Variants in DSTN observed in about 807,000 individuals in gnomAD.
DSTN encodes the protein destrin, actin depolymerizing factor, also known as destrin.
DSTN carries 10 observed loss-of-function variants against 16.8 expected under a neutral mutation model. That is an observed-to-expected ratio of 0.60 (90% CI 0.37 to 1.01). The LOEUF is 1.01. DSTN is among the 50% of genes least tolerant of loss of function. DSTN has a pLI of 0.01. For missense variants in DSTN, 141 were observed against 196.7 expected, an observed-to-expected ratio of 0.72 and a Z score of 1.69; for synonymous variants, 57 against 58.9, an observed-to-expected ratio of 0.97 and a Z score of 0.14.
chr20:17,587,218 A>AC (rs1491095726), intron 1 of DSTN, among the ~76,000 whole-genome samples: 2 of 152,016 alleles, frequency 1.3e-5, no homozygotes, highest in African/African-American at 4.8e-5. Flanking sequence ...AAAAAAAAAA[A>AC]AATTCTTGTT....
intron 2 of DSTN, among the ~76,000 whole-genome samples, chr20:17,601,422 AAAT>A (rs1244479161): frequency 6.6e-6 from 1 of 152,162 alleles, no homozygotes. Flanking sequence ...CTACTCTTTT[AAAT>A]TACACCCCTT....
At chr20:17,598,051 C>T (rs2035546849) in intron 1 of DSTN, among the ~76,000 whole-genome samples, 1 of 152,080 alleles carries the variant, frequency 6.6e-6, no homozygotes, top group African/African-American at 2.4e-5. Flanking sequence ...AAGAAATATT[C>T]CATTGTGTGG....
In DSTN at chr20:17,572,548, G is replaced by A. The variant is rs528567438; in HGVS notation, c.3+2337G>A. On this transcript the variant is annotated intron_variant, in intron 1 of 3. Transcript: ENST00000246069. ...TCTTGCCCCTGAAGTAGAGTTAAAA[G>A]GTTTGCACGATAATCTAACCCTTAA... 2.2e-4 allele frequency among the ~76,000 whole-genome samples: 33 copies of A among 152,208 alleles called. No individual in the cohort carries two copies. In the South Asian group the frequency reaches 6.4e-3, roughly 30 times the overall value.
At chr20:17,606,970 G>A in intron 3 of DSTN, 67 bp from the exon 4 acceptor site, 1 of 1,524,644 alleles carries the variant, frequency 6.6e-7, no homozygotes, top group Non-Finnish European at 9.0e-7. Flanking sequence ...TAAAAGTTTG[G>A]TTATCTTAGA....
Position 17,608,809 on chromosome 20 carries a change from A to G in DSTN, c.*1663A>G, listed in dbSNP as rs2035669817. ...TCCTACCACATGCCATCACATGGTT[A>G]GCATTTTGATACACAGCTGTGCATT... On this transcript the variant is annotated 3_prime_UTR_variant, in exon 4 of 4. Coordinates refer to ENST00000246069, the MANE Select transcript of DSTN (RefSeq NM_006870.4). 6.6e-6 allele frequency: 1 copy of G among 152,238 alleles called. No individual in the cohort carries two copies. The highest frequency in any genetic ancestry group is 2.4e-5 in the African/African-American group (1 of 41,466). 9.4% of individuals were successfully genotyped at this position (152,238 alleles called of 1,614,324 possible).
chr20:17,590,576 C>G (rs983396316), intron 1 of DSTN, among the ~76,000 whole-genome samples: 12 of 152,174 alleles, frequency 7.9e-5, no homozygotes, highest in African/African-American at 2.9e-4. Flanking sequence ...AATCACAAAG[C>G]TCTTGTTATG....
At chr20:17,597,968 T>G (rs1600710751) in intron 1 of DSTN, among the ~76,000 whole-genome samples, 1 of 151,518 alleles carries the variant, frequency 6.6e-6, no homozygotes, top group South Asian at 2.1e-4. Flanking sequence ...CTGTCTGGCT[T>G]CTTTCACTTA....
intron 1 of DSTN, among the ~76,000 whole-genome samples, chr20:17,578,494 T>G (rs2035304753): frequency 6.6e-6 from 1 of 152,212 alleles, no homozygotes; most frequent in South Asian, 2.1e-4. Flanking sequence ...GTAAAAATCC[T>G]TCAAGATAGT....
Position 17,576,955 on chromosome 20 carries a change from T to TA in DSTN, c.3+6748dup, listed in dbSNP as rs201023967. On this transcript the variant is annotated intron_variant, in intron 1 of 3. Transcript: ENST00000246069. ...CCTAATCTAAAAATCCAAAATTCTC[T>TA]AAAATCCCAAACTTTTTGAACACCA... Among the ~76,000 whole-genome samples the TA allele has an allele frequency of 5.7e-3, 861 of 152,304 alleles. 28 individuals carry two copies. Among genetic ancestry groups the TA allele is most frequent in the Admixed American group, 0.047 (714 of 15,302 alleles).
chr20:17,583,484 T>C (rs1242941463), intron 1 of DSTN, among the ~76,000 whole-genome samples: 1 of 152,124 alleles, frequency 6.6e-6, no homozygotes, highest in African/African-American at 2.4e-5. Context: ...AGTATATCCA[T>C]GCAAGGGAAG....
In DSTN at chr20:17,574,870, G is replaced by GTGTT. The variant is rs2035257816; in HGVS notation, c.3+4660_3+4661insGTTT. 4.9e-5 allele frequency among the ~76,000 whole-genome samples: 4 copies of GTGTT among 81,170 alleles called. No individual in the cohort carries two copies. In the South Asian group the frequency reaches 2.4e-3, roughly 48 times the overall value. The allele number at this position is 81,170 out of a possible 152,430, so 53.3% of individuals were successfully genotyped here. A position where few individuals can be genotyped will look rare whatever the true frequency, so the allele number is the denominator to read the frequency against. ...TTTTCTTTTTCTTTTCTTTTCTTTT[G>GTGTT]TTTTTTTTTTTTTTTTTTTTTTGAG... On this transcript the variant is annotated intron_variant, in intron 1 of 3. Transcript: ENST00000246069.
chr20:17,577,955 T>G (rs1324208508), intron 1 of DSTN, among the ~76,000 whole-genome samples: 1 of 152,246 alleles, frequency 6.6e-6, no homozygotes, highest in Non-Finnish European at 1.5e-5. Context: ...TAATTAAAAT[T>G]AAATGAAAAT....
chr20:17,594,012 G>T (rs1293145897), intron 1 of DSTN, among the ~76,000 whole-genome samples: 2 of 152,032 alleles, frequency 1.3e-5, no homozygotes, highest in Non-Finnish European at 2.9e-5. Context: ...GCCCAGGAGT[G>T]CGAGGCTGCA....
intron 1 of DSTN, among the ~76,000 whole-genome samples, chr20:17,578,723 G>A (rs1347637707): frequency 1.3e-5 from 2 of 152,164 alleles, no homozygotes; most frequent in African/African-American, 4.8e-5. Context: ...CACTTCGGGA[G>A]GCCAAGGTGG....
intron 1 of DSTN, among the ~76,000 whole-genome samples, chr20:17,597,875 A>G (rs998016676): frequency 1.3e-5 from 2 of 152,190 alleles, no homozygotes; most frequent in Admixed American, 1.3e-4. Context: ...AACCTCTGGA[A>G]ACCACTAATC....
At position 17,581,246 on chromosome 20, in the gene DSTN, C is replaced by T. The variant is rs1234362171; in HGVS notation, c.3+11035C>T. ...TTGTAATCCCAATGCTTTGGGAGGC[C>T]GAGGTGAGAGGATCACTTGAGGCCA... On this transcript the variant is annotated intron_variant, in intron 1 of 3. Coordinates refer to ENST00000246069, the MANE Select transcript of DSTN (RefSeq NM_006870.4). 2.6e-5 allele frequency among the ~76,000 whole-genome samples: 4 copies of T among 152,082 alleles called. No individual in the cohort carries two copies. In the South Asian group the frequency reaches 6.2e-4, roughly 24 times the overall value.
At chr20:17,601,130 T>C (rs1327303260) in intron 2 of DSTN, 85 bp downstream of exon 2, 14 of 1,429,714 alleles carry the variant, frequency 9.8e-6, no homozygotes, top group Non-Finnish European at 1.2e-5. Context: ...AAGTAATTTT[T>C]ATTCAAACTA....
At chr20:17,605,235 C>T in intron 3 of DSTN, 2 of 454,824 alleles carry the variant, frequency 4.4e-6, no homozygotes, top group Admixed American at 2.4e-5. Context: ...AAAGAACGTG[C>T]ATGGGGCAAG....
At chr20:17,587,098 G>C (rs190962956) in intron 1 of DSTN, among the ~76,000 whole-genome samples, 40 of 150,890 alleles carry the variant, frequency 2.7e-4, no homozygotes, top group African/African-American at 9.0e-4. Context: ...GTGTAGTATT[G>C]TTACATACAA....
Sources: gnomAD v4.1 joint callset for allele counts (sites outside exome capture counted in the v4.1 genomes callset) on GRCh38, gnomAD v4.1.1 for gene constraint, MANE v1.5 for transcripts, NCBI Gene and HGNC (gene_info 2026-07-23, HGNC 2026-07-21) for gene names.